The following MAP3K5 variants were observed in gnomAD, a reference collection of about 807,000 sequenced individuals.
The protein encoded by MAP3K5 is mitogen-activated protein kinase kinase kinase 5.
MAP3K5 carries 56 observed loss-of-function variants against 158.7 expected under a neutral mutation model. The ratio of observed to expected loss-of-function variants is 0.35; its 90% CI spans 0.28 to 0.44. MAP3K5 has a LOEUF of 0.44. MAP3K5 is among the 20% of genes least tolerant of loss of function. The probability of loss-of-function intolerance (pLI) is 1.00; values close to 1 mark genes in which losing one functional copy is unlikely to be tolerated. For synonymous variants in MAP3K5, 579 were observed against 601.7 expected, an observed-to-expected ratio of 0.96 and a Z score of 0.55; for missense variants, 1,294 against 1,674.8, an observed-to-expected ratio of 0.77 and a Z score of 3.97.
At chr6:136,559,044 C>T (rs933836018) in intron 28 of MAP3K5, among the ~76,000 whole-genome samples, 168 bp from the exon 29 acceptor site, 1 of 151,868 alleles carries the variant, frequency 6.6e-6, no homozygotes, top group Non-Finnish European at 1.5e-5. Flanking sequence ...CCCTGTTACT[C>T]AATAAATACA....
chr6:136,575,841 T>C (rs1240879062), intron 25 of MAP3K5, among the ~76,000 whole-genome samples: 1 of 152,222 alleles, frequency 6.6e-6, no homozygotes, highest in Non-Finnish European at 1.5e-5. Flanking sequence ...TGAGGGGGTG[T>C]CTGCCACATT....
chr6:136,656,269 T>G (rs746629300), intron 10 of MAP3K5, 38 bp downstream of exon 10: 1 of 1,588,174 alleles, frequency 6.3e-7, no homozygotes, highest in African/African-American at 1.3e-5. Flanking sequence ...GTTCTTTAAA[T>G]AAAGAAATGT....
intron 26 of MAP3K5, among the ~76,000 whole-genome samples, chr6:136,563,079 G>A (rs543602750): frequency 6.6e-6 from 1 of 152,182 alleles, no homozygotes; most frequent in East Asian, 1.9e-4. Context: ...GGTGAGTTCT[G>A]AGACTGTATT....
intron 14 of MAP3K5, among the ~76,000 whole-genome samples, chr6:136,626,233 G>A (rs372776732): frequency 1.3e-5 from 2 of 152,150 alleles, no homozygotes; most frequent in African/African-American, 4.8e-5. Flanking sequence ...GTCTTCTGGG[G>A]AAAATTATGC....
At chr6:136,620,621 G>C (rs1776756975) in intron 15 of MAP3K5, among the ~76,000 whole-genome samples, 1 of 152,160 alleles carries the variant, frequency 6.6e-6, no homozygotes, top group Admixed American at 6.5e-5. Context: ...GCCAGAGTCA[G>C]CCCATGATGT....
chr6:136,657,335 C>T (rs185991904), intron 9 of MAP3K5, among the ~76,000 whole-genome samples: 6 of 152,246 alleles, frequency 3.9e-5, no homozygotes, highest in Non-Finnish European at 7.4e-5. Flanking sequence ...GTTAACATTC[C>T]ATAAAAATTA....
At chr6:136,563,826 A>G (rs1370990589) in intron 26 of MAP3K5, among the ~76,000 whole-genome samples, 1 of 152,254 alleles carries the variant, frequency 6.6e-6, no homozygotes, top group African/African-American at 2.4e-5. Context: ...TAAGATTATC[A>G]GGATAAATCG....
chr6:136,594,788 G>C (rs544721615), intron 21 of MAP3K5, among the ~76,000 whole-genome samples: 1 of 151,178 alleles, frequency 6.6e-6, no homozygotes, highest in East Asian at 2.0e-4. Context: ...GATTCCTATC[G>C]TGTGTTTCCG....
intron 1 of MAP3K5, among the ~76,000 whole-genome samples, chr6:136,782,909 T>A (rs77427283): frequency 0.046 from 6,985 of 152,316 alleles, 201 homozygotes; most frequent in African/African-American, 0.087. Context: ...ATTTTGAAAA[T>A]CAGCTTTGTC....
chr6:136,618,159 T>C (rs1337284718), intron 15 of MAP3K5, among the ~76,000 whole-genome samples: 5 of 152,188 alleles, frequency 3.3e-5, no homozygotes, highest in Non-Finnish European at 7.4e-5. Context: ...GATGGTAGTT[T>C]AGTGTACACT....
intron 25 of MAP3K5, chr6:136,579,960 T>C (rs1474491093): frequency 4.6e-6 from 2 of 430,900 alleles, no homozygotes; most frequent in African/African-American, 4.1e-5. Flanking sequence ...CATTGGAAGA[T>C]TTGGGAACCA....
chr6:136,656,469 G>T lies in MAP3K5; in HGVS notation c.1527-9C>A. On this transcript the variant is annotated splice_polypyrimidine_tract_variant and intron_variant, in intron 9 of 29. Coordinates refer to ENST00000359015, the MANE Select transcript of MAP3K5 (RefSeq NM_005923.4). ...CAATAGACTTGAGGTACCTGAGAAG[G>T]AAAAGATATAAAACATGTAACAGAC... 6.5e-7 allele frequency: 1 copy of T among 1,543,176 alleles called. No homozygotes were observed. The highest frequency in any genetic ancestry group is 8.7e-7 in the Non-Finnish European group (1 of 1,143,250).
chr6:136,697,329 C>T lies in MAP3K5; in HGVS notation c.865G>A (p.Gly289Ser). 6.2e-7 allele frequency: 1 copy of T among 1,613,690 alleles called. No individual in the cohort carries two copies. Among genetic ancestry groups the T allele is most frequent in the Non-Finnish European group, 8.5e-7 (1 of 1,179,760 alleles). The change falls in exon 5 of 30, where the codon GGT becomes AGT. Residue 289 changes from glycine (G) to serine (S), a missense_variant. Physicochemically the swap from Gly to Ser is moderately conservative, Grantham distance 56. This residue lies in a region of MAP3K5 where 690 missense variants were observed against 870.5 expected (regional missense o/e 0.79). Coordinates refer to ENST00000359015, the MANE Select transcript of MAP3K5 (RefSeq NM_005923.4). ...GCCAACTCAGCTGCCAATTCTTTAC[C>T]AGTGTATAAATTACGAGCTTTCCTG... The part of the protein sequence containing the change: ...DIRKARNLYT[G>S]KELAAELARI...
At chr6:136,717,262 T>G (rs1781569190) in intron 2 of MAP3K5, among the ~76,000 whole-genome samples, 1 of 152,186 alleles carries the variant, frequency 6.6e-6, no homozygotes, top group African/African-American at 2.4e-5. Flanking sequence ...ATGACTAGAT[T>G]CTAAATATCC....
chr6:136,612,903 T>C (rs1314711160), intron 17 of MAP3K5, among the ~76,000 whole-genome samples: 2 of 152,232 alleles, frequency 1.3e-5, no homozygotes, highest in Non-Finnish European at 2.9e-5. Flanking sequence ...TCTTGTTGGC[T>C]GAACGCAGTT....
At chr6:136,687,963 T>C (rs1780222587) in intron 7 of MAP3K5, among the ~76,000 whole-genome samples, 1 of 152,162 alleles carries the variant, frequency 6.6e-6, no homozygotes, top group South Asian at 2.1e-4. Context: ...TAAAGACCCA[T>C]GCACACACAT....
intron 1 of MAP3K5, among the ~76,000 whole-genome samples, chr6:136,784,565 T>C (rs563054685): frequency 2.0e-5 from 3 of 152,262 alleles, no homozygotes; most frequent in East Asian, 1.9e-4. Context: ...TTTTCCCTTA[T>C]GAGTTTATCT....
Position 136,622,870 on chromosome 6 carries a change from C to A in MAP3K5, c.2128G>T (p.Glu710Ter). ...LSNQVRIAIK[E>*]IPERDSRYSQ... ...TACCTGCTGTCTCTCTCTGGGATTT[C>A]CTTAATAGCAATTCTGACTTGGTTG... Residue 710 changes from glutamate to a stop codon, truncating the protein, a stop_gained, in exon 15 of 30, where the codon GAA (glutamate) becomes TAA (stop). Coordinates refer to ENST00000359015, the MANE Select transcript of MAP3K5 (RefSeq NM_005923.4). LOFTEE classifies it high-confidence loss of function. 1 of 1,612,786 alleles carries A rather than the reference C, an allele frequency of 6.2e-7. No homozygotes were observed. Among genetic ancestry groups the A allele is most frequent in the Non-Finnish European group, 8.5e-7 (1 of 1,179,186 alleles).
chr6:136,568,815 G>A (rs1232799675), intron 25 of MAP3K5, among the ~76,000 whole-genome samples: 1 of 139,628 alleles, frequency 7.2e-6, no homozygotes, highest in Non-Finnish European at 1.5e-5. Context: ...CCGAGATCAT[G>A]CCACTGTACT....
Sources: allele counts gnomAD v4.1 joint callset (sites outside exome capture counted in the v4.1 genomes callset), GRCh38; gene constraint gnomAD v4.1.1; regional missense constraint gnomAD v4.1.1; transcripts MANE v1.5; gene names NCBI Gene and HGNC (gene_info 2026-07-23, HGNC 2026-07-21).